The following TXK variants were observed in gnomAD, a reference collection of about 807,000 sequenced individuals.
TXK encodes TXK tyrosine kinase.
A neutral mutation model predicts 81.0 loss-of-function variants in TXK; 60 were observed. The observed-to-expected ratio is 0.74, with a 90% CI of 0.60 to 0.92. TXK has a LOEUF of 0.92. Among genes scored for constraint, TXK ranks in the 40% least tolerant of loss-of-function variants. The pLI is 0.00. For synonymous variants in TXK, 203 were observed against 210.7 expected (o/e 0.96, Z 0.32); for missense variants, 581 against 638.3 (o/e 0.91, Z 0.97).
intron 1 of TXK, among the ~76,000 whole-genome samples, chr4:48,128,811 C>T (rs1265784419): frequency 2.0e-5 from 3 of 151,952 alleles, no homozygotes; most frequent in South Asian, 2.1e-4. Flanking sequence ...TCGTGATCCA[C>T]CTGCCTCGGC....
chr4:48,070,631 T>G (rs1577643473), intron 14 of TXK, among the ~76,000 whole-genome samples: 1 of 152,116 alleles, frequency 6.6e-6, no homozygotes, highest in African/African-American at 2.4e-5. Flanking sequence ...CAGGCTGGAG[T>G]GTAGTGGCGC....
chr4:48,076,569 G>T, intron 11 of TXK, 103 bp from the exon 12 acceptor site: 1 of 878,698 alleles, frequency 1.1e-6, no homozygotes, highest in Non-Finnish European at 1.8e-6. Flanking sequence ...CTACCTCTCT[G>T]TGTGTACCGC....
intron 1 of TXK, among the ~76,000 whole-genome samples, chr4:48,127,164 G>A (rs1325616605): frequency 6.6e-6 from 1 of 152,188 alleles, no homozygotes; most frequent in Non-Finnish European, 1.5e-5. Flanking sequence ...GCCCAGCAGA[G>A]TTGCTGCCCA....
chr4:48,088,829 G>A (rs1346540579), intron 9 of TXK, among the ~76,000 whole-genome samples: 1 of 152,090 alleles, frequency 6.6e-6, no homozygotes, highest in African/African-American at 2.4e-5. Context: ...TTAACTTAAT[G>A]AGATCCTGAG....
chr4:48,067,747 C>T, intron 14 of TXK, 42 bp from the exon 15 acceptor site: 1 of 1,587,028 alleles, frequency 6.3e-7, no homozygotes, highest in Non-Finnish European at 8.7e-7. Flanking sequence ...GCTTAACCAA[C>T]TTATGCCAAG....
intron 6 of TXK, among the ~76,000 whole-genome samples, chr4:48,104,056 T>C (rs1718303431): frequency 6.8e-6 from 1 of 147,818 alleles, no homozygotes; most frequent in Non-Finnish European, 1.5e-5. Context: ...ACAAAGAAAC[T>C]AGCCAGGCAT....
intron 1 of TXK, among the ~76,000 whole-genome samples, chr4:48,120,198 CAT>C (rs1491408112): frequency 1.7e-3 from 155 of 92,182 alleles, no homozygotes; most frequent in Non-Finnish European, 3.7e-3. Context: ...TACATACACA[CAT>C]ATATACGTAT....
chr4:48,129,140 G>C (rs1457982040), intron 1 of TXK, among the ~76,000 whole-genome samples: 3 of 152,126 alleles, frequency 2.0e-5, no homozygotes. Context: ...AATTTAGAAA[G>C]TTATCCTTTA....
chr4:48,115,811 C>T (rs1718796514), intron 1 of TXK, among the ~76,000 whole-genome samples: 1 of 152,000 alleles, frequency 6.6e-6, no homozygotes, highest in South Asian at 2.1e-4. Flanking sequence ...GCTGAGATTG[C>T]ACCACTGCAC....
At chr4:48,092,439 C>A (rs1717813582) in intron 8 of TXK, among the ~76,000 whole-genome samples, 1 of 152,078 alleles carries the variant, frequency 6.6e-6, no homozygotes, top group Non-Finnish European at 1.5e-5. Context: ...CTAGAAAGCA[C>A]CACTGTACTG....
intron 1 of TXK, among the ~76,000 whole-genome samples, chr4:48,127,066 GACCCAATTTTATTTAAT>G: frequency 6.6e-6 from 1 of 152,312 alleles, no homozygotes; most frequent in Non-Finnish European, 1.5e-5. Flanking sequence ...CTTTAATTAT[GACCCAATTTTATTTAAT>G]TTCCCTCAAA....
At chr4:48,075,782 C>G (rs1717047501) in intron 12 of TXK, among the ~76,000 whole-genome samples, 1 of 152,030 alleles carries the variant, frequency 6.6e-6, no homozygotes, top group Non-Finnish European at 1.5e-5. Context: ...ACACAGATAA[C>G]AAAAGGACCA....
intron 1 of TXK, among the ~76,000 whole-genome samples, chr4:48,131,709 T>C (rs1719251855): frequency 6.6e-6 from 1 of 152,226 alleles, no homozygotes; most frequent in South Asian, 2.1e-4. Flanking sequence ...ATTTAATCCC[T>C]TGGACAATCA....
intron 1 of TXK, among the ~76,000 whole-genome samples, chr4:48,118,532 C>T (rs1718873064): frequency 6.6e-6 from 1 of 152,196 alleles, no homozygotes; most frequent in Admixed American, 6.5e-5. Context: ...AATCAGATAA[C>T]ACCCAGCTCA....
At chr4:48,067,740 T>A in intron 14 of TXK, 35 bp from the exon 15 acceptor site, 2 of 1,595,842 alleles carry the variant, frequency 1.3e-6, no homozygotes, top group Non-Finnish European at 1.7e-6. Flanking sequence ...TAGCTCAGCT[T>A]AACCAACTTA....
At chr4:48,120,374 C>T (rs1718924907) in intron 1 of TXK, among the ~76,000 whole-genome samples, 1 of 150,312 alleles carries the variant, frequency 6.7e-6, no homozygotes, top group Non-Finnish European at 1.5e-5. Flanking sequence ...ATATAAAATA[C>T]ATATATACGT....
intron 14 of TXK, among the ~76,000 whole-genome samples, chr4:48,069,227 A>C (rs1716737347): frequency 6.6e-6 from 1 of 152,132 alleles, no homozygotes; most frequent in Non-Finnish European, 1.5e-5. Context: ...GCGTAAGCCC[A>C]GGAGGTCAAG....
chr4:48,067,644 G>A lies in TXK; in HGVS notation c.1577C>T (p.Thr526Ile). 2 of 1,614,114 alleles carry A rather than the reference G, an allele frequency of 1.2e-6. No homozygotes were observed. The highest frequency in any genetic ancestry group is 1.7e-5 in the Admixed American group (1 of 60,016). The change falls in exon 15 of 15, where the codon ACC (threonine) becomes ATC (isoleucine). Residue 526 changes from threonine (T) to isoleucine (I), a missense_variant. Coordinates refer to ENST00000264316, the MANE Select transcript of TXK (RefSeq NM_003328.3). ...TTGGCATTCTGTTTCCGGTCACCAG[G>A]TTTCCGCAATCTCTGTGACAGCCCG... Reference protein sequence around the residue: ...LLRAVTEIAETW With the variant: ...LLRAVTEIAEIW
chr4:48,071,968 T>TTC (rs1377252475), intron 13 of TXK, among the ~76,000 whole-genome samples: 1 of 151,004 alleles, frequency 6.6e-6, no homozygotes, highest in Non-Finnish European at 1.5e-5. Flanking sequence ...TTTTTTTTTT[T>TTC]TTTGAGACAG....
Sources: allele counts gnomAD v4.1 joint callset (sites outside exome capture counted in the v4.1 genomes callset), GRCh38; gene constraint gnomAD v4.1.1; transcripts MANE v1.5; gene names NCBI Gene and HGNC (gene_info 2026-07-23, HGNC 2026-07-21).